The following NLRC3 variants were observed in gnomAD, a reference collection of about 807,000 sequenced individuals.
NLRC3 encodes NLR family CARD domain-containing protein 3.
In NLRC3, 87 loss-of-function variants were observed where a neutral mutation model predicts 91.6. The ratio of observed to expected loss-of-function variants is 0.95; its 90% confidence interval spans 0.80 to 1.14. The LOEUF is 1.14. Among genes scored for constraint, NLRC3 ranks in the 50% most tolerant of loss-of-function variants. NLRC3 has a pLI of 0.00. For missense variants in NLRC3, 1,577 were observed against 1,418.6 expected, an observed-to-expected ratio of 1.11 and a Z score of -1.79; for synonymous variants, 694 against 625.3, an observed-to-expected ratio of 1.11 and a Z score of -1.64.
intron 8 of NLRC3, 45 bp from the exon 9 acceptor site, chr16:3,554,370 G>A: frequency 1.4e-6 from 2 of 1,463,030 alleles, no homozygotes; most frequent in Non-Finnish European, 1.9e-6. Flanking sequence ...GCAGAAGCTG[G>A]AACCCAGGGG....
At chr16:3,558,185 CAT>C (rs1316008115) in intron 6 of NLRC3, among the ~76,000 whole-genome samples, 2 of 151,364 alleles carry the variant, frequency 1.3e-5, no homozygotes, top group Non-Finnish European at 3.0e-5. Flanking sequence ...CCACGAAAAA[CAT>C]AAAAATTAGT....
In NLRC3 at chr16:3,563,529, C is replaced by T. The variant is rs199475936; in HGVS notation, c.1408G>A (p.Ala470Thr). The stretch of plus-strand genomic sequence containing the variant: ...AGGTCGAAGATGGCCCTCCTGGATG[C>T]GCCATAGTAATACGCGGCTGCCACA... Reference protein sequence around the residue: ...EFVAAAYYYGASRRAIFDLFT... With the variant: ...EFVAAAYYYGTSRRAIFDLFT... The change falls in exon 5 of 20, where the codon GCA becomes ACA. Residue 470 changes from alanine (A) to threonine (T), a missense_variant. Physicochemically the swap from Ala to Thr is moderately conservative, Grantham distance 58. Coordinates refer to ENST00000359128, the MANE Select transcript of NLRC3 (RefSeq NM_178844.4). The T allele has an allele frequency of 1.7e-5, 28 of 1,606,986 alleles. No individual in the cohort carries two copies. Among genetic ancestry groups the T allele is most frequent in the Middle Eastern group, 1.7e-4 (1 of 6,054 alleles).
intron 13 of NLRC3, 44 bp downstream of exon 13, chr16:3,549,098 C>A: frequency 1.4e-6 from 2 of 1,412,220 alleles, no homozygotes; most frequent in South Asian, 2.5e-5. Context: ...TGGGTGTGGT[C>A]ATGGCATGAA....
At chr16:3,566,979 G>C (rs902306325) in intron 2 of NLRC3, among the ~76,000 whole-genome samples, 1 of 152,200 alleles carries the variant, frequency 6.6e-6, no homozygotes, top group Non-Finnish European at 1.5e-5. Context: ...AGAAAACGCT[G>C]GTTCTCAGAG....
At chr16:3,562,069 G>A (rs932900225) in intron 5 of NLRC3, among the ~76,000 whole-genome samples, 1 of 152,192 alleles carries the variant, frequency 6.6e-6, no homozygotes, top group Non-Finnish European at 1.5e-5. Context: ...ATGACCCTCA[G>A]CCTGTGTCCT....
chr16:3,568,138 C>T (rs1348364736), intron 1 of NLRC3, among the ~76,000 whole-genome samples: 1 of 152,140 alleles, frequency 6.6e-6, no homozygotes, highest in Non-Finnish European at 1.5e-5. Flanking sequence ...CATTTTAACA[C>T]AGGTGATGCT....
chr16:3,552,318 T>C, intron 9 of NLRC3, 39 bp from the exon 10 acceptor site: 1 of 1,423,110 alleles, frequency 7.0e-7, no homozygotes, highest in African/African-American at 1.4e-5. Context: ...GAAAGGCTGG[T>C]CACAGCCATT....
chr16:3,552,652 T>C (rs2039076247), intron 9 of NLRC3, among the ~76,000 whole-genome samples: 1 of 151,788 alleles, frequency 6.6e-6, no homozygotes, highest in African/African-American at 2.4e-5. Context: ...CTAAGAAACC[T>C]CCCTAGGGGC....
rs1050138952 is a variant in NLRC3 at position 3,540,166 on chromosome 16, A to T, written c.*1659T>A. 3 of 152,302 alleles carry T rather than the reference A, an allele frequency of 2.0e-5. No individual in the cohort carries two copies. The highest frequency in any genetic ancestry group is 7.2e-5 in the African/African-American group (3 of 41,566). The allele number at this position is 152,302 out of a possible 1,614,324, so 9.4% of individuals were successfully genotyped here. ...TACCTTTTTCCCTTTGTAAATTAGG[A>T]TATCACCTTTGTGGGGTGCCGTTTT... On this transcript the variant is annotated 3_prime_UTR_variant, in exon 20 of 20. Transcript: ENST00000359128.
chr16:3,545,343 C>T (rs887339168), intron 15 of NLRC3: 8 of 151,796 alleles, frequency 5.3e-5, no homozygotes, highest in African/African-American at 1.2e-4. Context: ...TTCTCTGTCT[C>T]TACTAAATTA....
intron 1 of NLRC3, among the ~76,000 whole-genome samples, chr16:3,569,135 G>A (rs543970671): frequency 7.2e-5 from 11 of 151,936 alleles, no homozygotes; most frequent in East Asian, 2.0e-4. Flanking sequence ...CCAACATGGC[G>A]GAACCCCATC....
At position 3,564,462 on chromosome 16, in the gene NLRC3, C is replaced by T. The variant is rs750986719; in HGVS notation, c.475G>A (p.Val159Ile). The T allele has an allele frequency of 9.9e-6, 16 of 1,612,552 alleles. No individual in the cohort carries two copies. The highest frequency in any genetic ancestry group is 1.7e-5 in the Admixed American group (1 of 60,020). ...MGKTTLVRHFVRLWAHGQVGK... is the reference protein window; with the variant it reads ...MGKTTLVRHFIRLWAHGQVGK... ...ACCTGCCCATGGGCCCAGAGGCGGA[C>T]GAAGTGCCTCACCAGGGTGGTCTTG... The change falls in exon 5 of 20, where the codon GTC (valine) becomes ATC (isoleucine). Residue 159 changes from valine to isoleucine, a missense_variant. By Grantham distance (29) the Val-to-Ile change is conservative. Coordinates refer to ENST00000359128, the MANE Select transcript of NLRC3 (RefSeq NM_178844.4). The surrounding 1 kb of genome is among the most constrained non-coding windows in gnomAD (Gnocchi z 5.9).
At position 3,577,201 on chromosome 16, in the gene NLRC3, C is replaced by T. The variant is rs149249184; in HGVS notation, c.-221G>A. On this transcript the variant is annotated 5_prime_UTR_variant, in exon 1 of 20. Transcript: ENST00000359128. ...ACAGCAAGACTGGGGGGCCTGGGGG[C>T]GTCCATCTCCATGCTCCTGGGCTCA... 2,105 of 702,984 alleles carry T rather than the reference C, an allele frequency of 3.0e-3. 25 individuals carry two copies. Among genetic ancestry groups the T allele is most frequent in the African/African-American group, 0.026 (1,476 of 57,372 alleles). 43.5% of individuals were successfully genotyped at this position (702,984 alleles called of 1,614,324 possible).
intron 6 of NLRC3, among the ~76,000 whole-genome samples, chr16:3,560,400 C>T (rs138955775): frequency 1.8e-4 from 28 of 151,826 alleles, no homozygotes. Context: ...TCCAGCCTGC[C>T]CAACACAGGG....
chr16:3,557,442 A>G, intron 7 of NLRC3, 151 bp downstream of exon 7: 1 of 607,222 alleles, frequency 1.6e-6, no homozygotes, highest in Non-Finnish European at 3.0e-6. Flanking sequence ...TATTATGTCC[A>G]GATGCTACCC....
Position 3,563,806 on chromosome 16 carries a change from C to T in NLRC3, c.1131G>A (p.Gln377=). 1 of 1,610,980 alleles carries T rather than the reference C, an allele frequency of 6.2e-7. No individual in the cohort carries two copies. The highest frequency in any genetic ancestry group is 8.5e-7 in the Non-Finnish European group (1 of 1,178,282). The change falls in exon 5 of 20, where the codon CAG becomes CAA. Residue 377 remains glutamine, a synonymous_variant. Coordinates refer to ENST00000359128, the MANE Select transcript of NLRC3 (RefSeq NM_178844.4). ...TGCGAGGGCTTGCCTTGCCCTTCTCCTGCCCCTCCCCGCTGAGGGCCATCC... is the reference window on the plus strand; with the variant it reads ...TGCGAGGGCTTGCCTTGCCCTTCTCTTGCCCCTCCCCGCTGAGGGCCATCC... ...YFRMALSGEG[Q]EKGKASPRIE...
intron 11 of NLRC3, 38 bp downstream of exon 11, chr16:3,550,376 A>G (rs368291290): frequency 2.9e-5 from 41 of 1,409,740 alleles, no homozygotes; most frequent in Non-Finnish European, 4.1e-5. Context: ...CTGGAAAGAG[A>G]ACCCAGGGGG....
intron 2 of NLRC3, among the ~76,000 whole-genome samples, chr16:3,565,841 A>C (rs2151102435): frequency 6.6e-6 from 1 of 152,184 alleles, no homozygotes; most frequent in South Asian, 2.1e-4. Context: ...CAGGAGTTTG[A>C]GACCAGCTTG....
chr16:3,566,223 C>T (rs1037003706), intron 2 of NLRC3, among the ~76,000 whole-genome samples: 5 of 150,128 alleles, frequency 3.3e-5, no homozygotes, highest in African/African-American at 4.9e-5. Context: ...TGGCAGGGGA[C>T]GGTGATAGTG....
Sources: allele counts gnomAD v4.1 joint callset (sites outside exome capture counted in the v4.1 genomes callset), GRCh38; gene constraint gnomAD v4.1.1; non-coding constraint Gnocchi (gnomAD v3.1); transcripts MANE v1.5; gene names NCBI Gene and HGNC (gene_info 2026-07-23, HGNC 2026-07-21).